Variants in PRR30 observed in about 807,000 individuals in gnomAD.
The protein encoded by PRR30 is proline rich 30.
For synonymous variants in PRR30, 229 were observed against 222.7 expected (o/e 1.03, Z -0.25); for missense variants, 546 against 525.3 (o/e 1.04, Z -0.39).
rs1273621110 is a variant in PRR30, at chr2:27,136,850, T to C, written c.*241A>G. On this transcript the variant is annotated 3_prime_UTR_variant, in exon 3 of 3. Transcript: ENST00000335524. ...ACTCAGCAGGACGCAAACACAAGTT[T>C]CACAGGGTCAGACTTTATTAGATAC... 6.7e-6 allele frequency: 4 copies of C among 600,730 alleles called. No individual in the cohort carries two copies. The highest frequency in any genetic ancestry group is 1.2e-5 in the Non-Finnish European group (4 of 346,302). The allele number at this position is 600,730 out of a possible 1,614,324, so 37.2% of individuals were successfully genotyped here.
Position 27,138,397 on chromosome 2 carries a change from G to T in PRR30, c.-68C>A. On this transcript the variant is annotated 5_prime_UTR_variant, in exon 3 of 3. It adds an upstream start codon to the 5' untranslated region. Transcript: ENST00000335524. ...AAGAGACCTGGCAGAGTCAGGACCAGTATCTCTGAGGTCAGCTGTGCCTGA... is the reference window on the plus strand; with the variant it reads ...AAGAGACCTGGCAGAGTCAGGACCATTATCTCTGAGGTCAGCTGTGCCTGA... 6.6e-7 allele frequency: 1 copy of T among 1,521,506 alleles called. No homozygotes were observed. The highest frequency in any genetic ancestry group is 1.4e-5 in the African/African-American group (1 of 71,908). 94.3% of individuals were successfully genotyped at this position (1,521,506 alleles called of 1,614,324 possible). A position where few individuals can be genotyped will look rare whatever the true frequency, so the allele number is the denominator to read the frequency against.
In PRR30 at chr2:27,137,704, C is replaced by T. The variant is rs1672540249; in HGVS notation, c.626G>A (p.Gly209Glu). The change falls in exon 3 of 3, where the codon GGG becomes GAG. Residue 209 changes from glycine to glutamate, a missense_variant. Gly to Glu is a moderately conservative substitution (Grantham distance 98). Coordinates refer to ENST00000335524, the MANE Select transcript of PRR30 (RefSeq NM_178553.4). This position sits in a 1 kb window ranked among gnomAD's most constrained non-coding sequence, Gnocchi z 4.3. The stretch of plus-strand genomic sequence containing the variant: ...GACCACCAGGGCCTGGGCCAGGGCC[C>T]CTGGGTCCCTGAACTGTGCAGGATC... ...EKDPAQFRDP[G>E]ALAQALVVQL... The T allele has an allele frequency of 6.2e-7, 1 of 1,613,746 alleles. No homozygotes were observed. Among genetic ancestry groups the T allele is most frequent in the Non-Finnish European group, 8.5e-7 (1 of 1,179,998 alleles).
chr2:27,137,228 G>C lies in PRR30; in HGVS notation c.1102C>G (p.Pro368Ala). The C allele has an allele frequency of 1.2e-6, 2 of 1,614,224 alleles. No individual in the cohort carries two copies. The highest frequency in any genetic ancestry group is 1.7e-6 in the Non-Finnish European group (2 of 1,180,026). Residue 368 changes from proline (P) to alanine (A), a missense_variant, in exon 3 of 3, where the codon CCA becomes GCA. Pro to Ala is a conservative substitution (Grantham distance 27). Coordinates refer to ENST00000335524, the MANE Select transcript of PRR30 (RefSeq NM_178553.4). The surrounding 1 kb of genome is among the most constrained non-coding windows in gnomAD (Gnocchi z 4.3). ...RSFRSAGLQSPNSPRCFSGPP... is the reference protein window; with the variant it reads ...RSFRSAGLQSANSPRCFSGPP... ...CCGGAGAAACATCGTGGGGAGTTTG[G>C]TGATTGAAGGCCTGCAGACCTGAAG...
rs543769619 is a variant in PRR30 at position 27,137,278 on chromosome 2, G to C, written c.1052C>G (p.Pro351Arg). The change falls in exon 3 of 3, where the codon CCA becomes CGA. Residue 351 changes from proline (P) to arginine (R), a missense_variant. By Grantham distance (103) the Pro-to-Arg change is moderately radical (BLOSUM62 -2). Transcript: ENST00000335524. The surrounding 1 kb of genome is among the most constrained non-coding windows in gnomAD (Gnocchi z 4.3). ...PAAQARADPV[P>R]GTPSQTRSFR... ...GCTCCTGGTCTGGGAGGGTGTGCCTGGGACTGGGTCGGCCCGGGCCTGAGC... is the reference window on the plus strand; with the variant it reads ...GCTCCTGGTCTGGGAGGGTGTGCCTCGGACTGGGTCGGCCCGGGCCTGAGC... The C allele has an allele frequency of 2.5e-6, 4 of 1,614,254 alleles. No individual in the cohort carries two copies. In the East Asian group the frequency reaches 8.9e-5, roughly 36 times the overall value.
chr2:27,137,144 C>T lies in PRR30; in HGVS notation c.1186G>A (p.Gly396Ser), dbSNP rs772645137. 1 of 1,614,164 alleles carries T rather than the reference C, an allele frequency of 6.2e-7. No homozygotes were observed. The highest frequency in any genetic ancestry group is 8.5e-7 in the Non-Finnish European group (1 of 1,180,012). The change falls in exon 3 of 3, where the codon GGC becomes AGC. Residue 396 changes from glycine (G) to serine (S), a missense_variant. Transcript: ENST00000335524. This position sits in a 1 kb window ranked among gnomAD's most constrained non-coding sequence, Gnocchi z 4.3. ...TCCAGAGAAACTGGCCTCTTTGGGC[C>T]AGGGCAAGGCCTGGGCTTCAGGGAG... ...TTSLKPRPCPGPKRPVSLELI... is the reference protein window; with the variant it reads ...TTSLKPRPCPSPKRPVSLELI...
chr2:27,138,443 T>G lies in PRR30; in HGVS notation c.-114A>C, dbSNP rs1409740999. 6.8e-7 allele frequency: 1 copy of G among 1,467,838 alleles called. No individual in the cohort carries two copies. The highest frequency in any genetic ancestry group is 9.0e-7 in the Non-Finnish European group (1 of 1,110,736). The allele number at this position is 1,467,838 out of a possible 1,614,324, so 90.9% of individuals were successfully genotyped here. ...CCTGAGAAATCAAGGCCACCTTCTGTGCGCAGAGCGTGGCTCCAGCCTGGT... is the reference window on the plus strand; with the variant it reads ...CCTGAGAAATCAAGGCCACCTTCTGGGCGCAGAGCGTGGCTCCAGCCTGGT... On this transcript the variant is annotated 5_prime_UTR_variant, in exon 3 of 3. Coordinates refer to ENST00000335524, the MANE Select transcript of PRR30 (RefSeq NM_178553.4).
At position 27,137,934 on chromosome 2, in the gene PRR30, C is replaced by T. The variant is rs779872335; in HGVS notation, c.396G>A (p.Gln132=). The T allele has an allele frequency of 6.8e-6, 11 of 1,608,458 alleles. No individual in the cohort carries two copies. The highest frequency in any genetic ancestry group is 9.3e-6 in the Non-Finnish European group (11 of 1,177,832). The change falls in exon 3 of 3, where the codon CAG becomes CAA. Residue 132 remains glutamine (Q), a synonymous_variant. Transcript: ENST00000335524. This position sits in a 1 kb window ranked among gnomAD's most constrained non-coding sequence, Gnocchi z 4.3. ...PPLTPSFSPS[Q]PQNSSLPHSP... The stretch of plus-strand genomic sequence containing the variant: ...AGTGGGGAAGGGAGGAGTTCTGAGG[C>T]TGGGAGGGAGAAAAGGAAGGGGTCA...
At position 27,137,976 on chromosome 2, in the gene PRR30, C is replaced by A. The variant is rs772371217; in HGVS notation, c.354G>T (p.Leu118=). ...AAGGGGTCAGAGGGGGAGAGGGGTA[C>A]AGCCAGTGGTTGGAGGGAGAGGATG... ...PRASSPSNHW[L]YPSPPLTPSF... Residue 118 remains leucine, a synonymous_variant, in exon 3 of 3, where the codon CTG becomes CTT. Coordinates refer to ENST00000335524, the MANE Select transcript of PRR30 (RefSeq NM_178553.4). This position sits in a 1 kb window ranked among gnomAD's most constrained non-coding sequence, Gnocchi z 4.3. 1 of 1,610,552 alleles carries A rather than the reference C, an allele frequency of 6.2e-7. No homozygotes were observed. Among genetic ancestry groups the A allele is most frequent in the Non-Finnish European group, 8.5e-7 (1 of 1,178,530 alleles).
rs144158821 is a variant in PRR30 at position 27,138,201 on chromosome 2, G to T, written c.129C>A (p.Gly43=). 6.2e-7 allele frequency: 1 copy of T among 1,613,832 alleles called. No individual in the cohort carries two copies. The highest frequency in any genetic ancestry group is 1.1e-5 in the South Asian group (1 of 91,048). ...AGAACGGTGGTTGAGAGGGAGGGAG[G>T]CCCTGATGGGGAGAGAGAGGCTGTA... ...HNLQPLSPHQ[G]LPPSQPPFSS... is the part of the protein sequence containing the mutation. Residue 43 remains glycine, a synonymous_variant, in exon 3 of 3, where the codon GGC becomes GGA. Coordinates refer to ENST00000335524, the MANE Select transcript of PRR30 (RefSeq NM_178553.4).
chr2:27,136,904 C>T lies in PRR30; in HGVS notation c.*187G>A. Reference sequence around the variant, plus strand: ...GAGGGCTGAATGGGGCCTTGGTGCCCTTGGTCCTCTTCAGCCTGGAGACAG... The same window carrying T: ...GAGGGCTGAATGGGGCCTTGGTGCCTTTGGTCCTCTTCAGCCTGGAGACAG... On this transcript the variant is annotated 3_prime_UTR_variant, in exon 3 of 3. Coordinates refer to ENST00000335524, the MANE Select transcript of PRR30 (RefSeq NM_178553.4). 1.3e-6 allele frequency: 1 copy of T among 789,814 alleles called. No individual in the cohort carries two copies. Among genetic ancestry groups the T allele is most frequent in the South Asian group, 1.9e-5 (1 of 53,040 alleles). 48.9% of individuals were successfully genotyped at this position (789,814 alleles called of 1,614,324 possible). A position where few individuals can be genotyped will look rare whatever the true frequency, so the allele number is the denominator to read the frequency against.
chr2:27,137,995 G>C lies in PRR30; in HGVS notation c.335C>G (p.Ser112Cys), dbSNP rs139570211. ...GGGGTACAGCCAGTGGTTGGAGGGAGAGGATGCACGTGGACGGGGGAGAGA... is the reference window on the plus strand; with the variant it reads ...GGGGTACAGCCAGTGGTTGGAGGGACAGGATGCACGTGGACGGGGGAGAGA... ...YLSLPRPRAS[S>C]PSNHWLYPSP... Residue 112 changes from serine (S) to cysteine (C), a missense_variant, in exon 3 of 3, where the codon TCT becomes TGT. Transcript: ENST00000335524. The surrounding 1 kb of genome is among the most constrained non-coding windows in gnomAD (Gnocchi z 4.3). The C allele has an allele frequency of 3.5e-4, 570 of 1,612,784 alleles. 2 individuals are homozygous for C. The African/African-American group carries it at 6.9e-3, about 20-fold the overall frequency.
chr2:27,137,725 G>T lies in PRR30; in HGVS notation c.605C>A (p.Pro202His). Residue 202 changes from proline (P) to histidine (H), a missense_variant, in exon 3 of 3, where the codon CCT (proline) becomes CAT (histidine). Coordinates refer to ENST00000335524, the MANE Select transcript of PRR30 (RefSeq NM_178553.4). This position sits in a 1 kb window ranked among gnomAD's most constrained non-coding sequence, Gnocchi z 4.3. The part of the protein sequence containing the change: ...VERCVPSEKD[P>H]AQFRDPGALA... Reference sequence around the variant, plus strand: ...GGCCCCTGGGTCCCTGAACTGTGCAGGATCCTTCTCGCTTGGCACGCATCT... The same window carrying T: ...GGCCCCTGGGTCCCTGAACTGTGCATGATCCTTCTCGCTTGGCACGCATCT... 2 of 1,614,076 alleles carry T rather than the reference G, an allele frequency of 1.2e-6. No homozygotes were observed. The highest frequency in any genetic ancestry group is 1.3e-5 in the African/African-American group (1 of 75,080).
At position 27,137,465 on chromosome 2, in the gene PRR30, A is replaced by G. The variant is rs1293498591; in HGVS notation, c.865T>C (p.Ser289Pro). ...QLLPCVQGQE[S>P]GPLRIGIGFG... ...CCGATGCCTATCCGGAGTGGCCCAG[A>G]TTCCTGGCCCTGCACACAGGGCAGT... Residue 289 changes from serine (S) to proline (P), a missense_variant, in exon 3 of 3, where the codon TCT becomes CCT. Coordinates refer to ENST00000335524, the MANE Select transcript of PRR30 (RefSeq NM_178553.4). This position sits in a 1 kb window ranked among gnomAD's most constrained non-coding sequence, Gnocchi z 4.3. 6.2e-7 allele frequency: 1 copy of G among 1,611,216 alleles called. No individual in the cohort carries two copies. The highest frequency in any genetic ancestry group is 1.3e-5 in the African/African-American group (1 of 74,846).
chr2:27,138,915 TA>T, intron 2 of PRR30, 54 bp downstream of exon 2: 1 of 155,358 alleles, frequency 6.4e-6, no homozygotes. Flanking sequence ...GTTCGGGGGA[TA>T]AGGGCTGAGA....
At position 27,137,283 on chromosome 2, in the gene PRR30, T is replaced by A. The variant is rs1196008513; in HGVS notation, c.1047A>T (p.Pro349=). Residue 349 remains proline, a synonymous_variant, in exon 3 of 3, where the codon CCA becomes CCT. Coordinates refer to ENST00000335524, the MANE Select transcript of PRR30 (RefSeq NM_178553.4). This position sits in a 1 kb window ranked among gnomAD's most constrained non-coding sequence, Gnocchi z 4.3. The stretch of plus-strand genomic sequence containing the variant: ...TGGTCTGGGAGGGTGTGCCTGGGAC[T>A]GGGTCGGCCCGGGCCTGAGCTGCTG... ...QPPAAQARAD[P]VPGTPSQTRS... 1.9e-6 allele frequency: 3 copies of A among 1,614,174 alleles called. No individual in the cohort carries two copies. The highest frequency in any genetic ancestry group is 2.5e-6 in the Non-Finnish European group (3 of 1,180,006).
Position 27,138,013 on chromosome 2 carries a change from G to C in PRR30, c.317C>G (p.Pro106Arg). 1 of 1,613,662 alleles carries C rather than the reference G, an allele frequency of 6.2e-7. No individual in the cohort carries two copies. Among genetic ancestry groups the C allele is most frequent in the African/African-American group, 1.3e-5 (1 of 75,018 alleles). ...TFFHQNYLSL[P>R]RPRASSPSNH... ...GGAGGGAGAGGATGCACGTGGACGGGGGAGAGAGAGGTAGTTCTGGTGAAA... is the reference window on the plus strand; with the variant it reads ...GGAGGGAGAGGATGCACGTGGACGGCGGAGAGAGAGGTAGTTCTGGTGAAA... Residue 106 changes from proline to arginine, a missense_variant, in exon 3 of 3, where the codon CCC becomes CGC. Transcript: ENST00000335524.
chr2:27,138,010 C>G lies in PRR30; in HGVS notation c.320G>C (p.Arg107Pro), dbSNP rs766147706. The G allele has an allele frequency of 1.2e-6, 2 of 1,611,982 alleles. No homozygotes were observed. Among genetic ancestry groups the G allele is most frequent in the Middle Eastern group, 1.6e-4 (1 of 6,084 alleles). Residue 107 changes from arginine to proline, a missense_variant, in exon 3 of 3, where the codon CGT becomes CCT. Arg to Pro is a moderately radical substitution (Grantham distance 103, BLOSUM62 -2). Coordinates refer to ENST00000335524, the MANE Select transcript of PRR30 (RefSeq NM_178553.4). Reference sequence around the variant, plus strand: ...GTTGGAGGGAGAGGATGCACGTGGACGGGGGAGAGAGAGGTAGTTCTGGTG... The same window carrying G: ...GTTGGAGGGAGAGGATGCACGTGGAGGGGGGAGAGAGAGGTAGTTCTGGTG... Reference protein sequence around the residue: ...FFHQNYLSLPRPRASSPSNHW... With the variant: ...FFHQNYLSLPPPRASSPSNHW...
chr2:27,137,029 G>T lies in PRR30; in HGVS notation c.*62C>A. 1 of 1,564,256 alleles carries T rather than the reference G, an allele frequency of 6.4e-7. No individual in the cohort carries two copies. On this transcript the variant is annotated 3_prime_UTR_variant, in exon 3 of 3. Transcript: ENST00000335524. The surrounding 1 kb of genome is among the most constrained non-coding windows in gnomAD (Gnocchi z 4.3). ...TGTCTCGGGGACTCCCCGAGATCTGGGGCCTGGTTGGGAGGGTTGGGTTTG... is the reference window on the plus strand; with the variant it reads ...TGTCTCGGGGACTCCCCGAGATCTGTGGCCTGGTTGGGAGGGTTGGGTTTG...
At position 27,138,395 on chromosome 2, in the gene PRR30, C is replaced by G. The variant is rs376148989; in HGVS notation, c.-66G>C. On this transcript the variant is annotated 5_prime_UTR_variant, in exon 3 of 3. Coordinates refer to ENST00000335524, the MANE Select transcript of PRR30 (RefSeq NM_178553.4). ...ATAAGAGACCTGGCAGAGTCAGGACCAGTATCTCTGAGGTCAGCTGTGCCT... is the reference window on the plus strand; with the variant it reads ...ATAAGAGACCTGGCAGAGTCAGGACGAGTATCTCTGAGGTCAGCTGTGCCT... The G allele has an allele frequency of 9.2e-6, 14 of 1,524,000 alleles. No homozygotes were observed. The highest frequency in any genetic ancestry group is 7.0e-5 in the African/African-American group (5 of 71,838). The allele number at this position is 1,524,000 out of a possible 1,614,324, so 94.4% of individuals were successfully genotyped here.
Sources: allele counts gnomAD v4.1 joint callset, GRCh38; gene constraint gnomAD v4.1.1; non-coding constraint Gnocchi (gnomAD v3.1); transcripts MANE v1.5; gene names NCBI Gene and HGNC (gene_info 2026-07-23, HGNC 2026-07-21).